KAT2B: variants seen among roughly 807,000 people sequenced by gnomAD.
The protein encoded by KAT2B is histone acetyltransferase KAT2B.
KAT2B carries 36 observed loss-of-function variants against 105.9 expected under a neutral mutation model. The observed-to-expected ratio is 0.34, with a 90% CI of 0.26 to 0.45. The LOEUF (loss-of-function observed/expected upper bound fraction) is 0.45, where lower values mean the gene tolerates loss of function less well. KAT2B is among the 20% of genes least tolerant of loss of function. The pLI is 1.00. For synonymous variants in KAT2B, 397 were observed against 377.9 expected, an observed-to-expected ratio of 1.05 and a Z score of -0.59; for missense variants, 820 against 1,021.6, an observed-to-expected ratio of 0.80 and a Z score of 2.69.
chr3:20,082,029 CTAA>C lies in KAT2B; in HGVS notation c.430+9577_430+9579del, dbSNP rs376560592. ...CCCTAAATATTTCAATATACAGTTC[CTAA>C]TAATAAGGTTTTCTTTTTTTGAAAT... On this transcript the variant is annotated intron_variant, in intron 2 of 17. Coordinates refer to ENST00000263754, the MANE Select transcript of KAT2B (RefSeq NM_003884.5). Among the ~76,000 whole-genome samples, 812 of 151,636 alleles carry C rather than the reference CTAA, an allele frequency of 5.4e-3. 3 individuals carry two copies. Among genetic ancestry groups the C allele is most frequent in the Non-Finnish European group, 9.3e-3 (632 of 67,896 alleles).
intron 2 of KAT2B, among the ~76,000 whole-genome samples, chr3:20,085,056 G>A (rs1202199098): frequency 6.6e-6 from 1 of 152,110 alleles, no homozygotes; most frequent in Non-Finnish European, 1.5e-5. Context: ...GAGATTAAAA[G>A]TTTGTAAGAC....
intron 1 of KAT2B, among the ~76,000 whole-genome samples, chr3:20,061,964 AAT>A (rs1207628833): frequency 9.6e-6 from 1 of 104,530 alleles, no homozygotes; most frequent in African/African-American, 3.6e-5. Context: ...TATAAAACAT[AAT>A]ATATATTATA....
chr3:20,062,268 T>A (rs376940329), intron 1 of KAT2B, among the ~76,000 whole-genome samples: 23 of 64,448 alleles, frequency 3.6e-4, no homozygotes, highest in African/African-American at 6.3e-4. Context: ...TGATATATAA[T>A]ATATAATATA....
intron 1 of KAT2B, among the ~76,000 whole-genome samples, chr3:20,041,214 G>A (rs1035273126): frequency 1.3e-5 from 2 of 152,064 alleles, no homozygotes; most frequent in African/African-American, 2.4e-5. Context: ...GTCCCACTGG[G>A]AGGAACTGGG....
chr3:20,094,543 C>T (rs547997199), intron 2 of KAT2B, among the ~76,000 whole-genome samples: 22 of 152,160 alleles, frequency 1.4e-4, no homozygotes, highest in African/African-American at 4.8e-4. Flanking sequence ...AAAAGATGGA[C>T]TGTATTTGAG....
At chr3:20,078,460 C>T (rs756761837) in intron 2 of KAT2B, among the ~76,000 whole-genome samples, 36 of 152,054 alleles carry the variant, frequency 2.4e-4, no homozygotes, top group Admixed American at 4.6e-4. Context: ...GCAACCTCCC[C>T]CTCTTGGGCT....
In KAT2B at chr3:20,125,708, G is replaced by A. The variant is rs1323641366; in HGVS notation, c.1414-197G>A. ...TCCAATTTCTCAAAATGCTTTACCTGCCTTTTCTGTCTTGTCTTCATAACT... is the reference window on the plus strand; with the variant it reads ...TCCAATTTCTCAAAATGCTTTACCTACCTTTTCTGTCTTGTCTTCATAACT... On this transcript the variant is annotated intron_variant, in intron 9 of 17. Coordinates refer to ENST00000263754, the MANE Select transcript of KAT2B (RefSeq NM_003884.5). Among the ~76,000 whole-genome samples the A allele has an allele frequency of 2.6e-5, 4 of 152,056 alleles. No individual in the cohort carries two copies. The East Asian group carries it at 7.7e-4, about 29-fold the overall frequency.
intron 1 of KAT2B, among the ~76,000 whole-genome samples, chr3:20,064,795 A>C (rs1009514881): frequency 2.0e-5 from 3 of 152,216 alleles, no homozygotes; most frequent in African/African-American, 2.4e-5. Context: ...ATACTGAATA[A>C]ATTTTCCATC....
chr3:20,070,145 C>T (rs1698294724), intron 1 of KAT2B, among the ~76,000 whole-genome samples: 2 of 152,072 alleles, frequency 1.3e-5, no homozygotes, highest in South Asian at 4.1e-4. Flanking sequence ...CTTCTCCTGG[C>T]CCTGCCTTCT....
intron 15 of KAT2B, 106 bp downstream of exon 15, chr3:20,148,105 TTGG>T (rs1699809199): frequency 7.3e-7 from 1 of 1,370,060 alleles, no homozygotes; most frequent in Admixed American, 1.8e-5. Flanking sequence ...AACACAACAG[TTGG>T]TGGGTTTTGA....
intron 5 of KAT2B, among the ~76,000 whole-genome samples, chr3:20,105,789 C>T (rs144484975): frequency 1.1e-3 from 134 of 124,716 alleles, no homozygotes; most frequent in African/African-American, 3.8e-3. Context: ...TGACAGAGCA[C>T]GACCCTGTCT....
chr3:20,152,093 A>G (rs1699878411), intron 17 of KAT2B, among the ~76,000 whole-genome samples: 1 of 152,164 alleles, frequency 6.6e-6, no homozygotes, highest in Admixed American at 6.5e-5. Flanking sequence ...CAGATGACTA[A>G]TAATGGTCCC....
intron 6 of KAT2B, among the ~76,000 whole-genome samples, chr3:20,113,797 T>TA: frequency 6.6e-6 from 1 of 152,282 alleles, no homozygotes; most frequent in South Asian, 2.1e-4. Flanking sequence ...CTTCCTATTC[T>TA]TCATATGTGC....
intron 1 of KAT2B, among the ~76,000 whole-genome samples, chr3:20,063,799 C>A (rs1329353040): frequency 6.6e-6 from 1 of 151,938 alleles, no homozygotes; most frequent in Non-Finnish European, 1.5e-5. Flanking sequence ...CTTCGGCCTC[C>A]CCAAGTGCTG....
rs550166293 is a variant in KAT2B, at chr3:20,145,554, G to GTT, written c.2005-738_2005-737dup. ...TTAATTTCCGGATGGGATTTTTTTA[G>GTT]TTTTTTTTTTTTTTTTTTTTTTTTT... On this transcript the variant is annotated intron_variant, in intron 13 of 17. Transcript: ENST00000263754. 3.3e-3 allele frequency among the ~76,000 whole-genome samples: 300 copies of GTT among 92,046 alleles called. 1 individual carries two copies. The highest frequency in any genetic ancestry group is 8.7e-3 in the African/African-American group (196 of 22,552). 60.4% of individuals were successfully genotyped at this position (92,046 alleles called of 152,430 possible).
At chr3:20,073,328 G>C (rs6765791) in intron 2 of KAT2B, among the ~76,000 whole-genome samples, 81,627 of 151,942 alleles carry the variant, frequency 0.54, 23,322 homozygotes, top group African/African-American at 0.73. Context: ...TGCTAAGGTA[G>C]TTGCTCTTTC....
chr3:20,119,278 ATTT>A (rs34386078), intron 7 of KAT2B, among the ~76,000 whole-genome samples: 1 of 134,584 alleles, frequency 7.4e-6, no homozygotes. Flanking sequence ...CCAAATAGTG[ATTT>A]TTTTTTTTTT....
At chr3:20,100,183 G>A (rs1216903070) in intron 4 of KAT2B, among the ~76,000 whole-genome samples, 3 of 152,162 alleles carry the variant, frequency 2.0e-5, no homozygotes, top group African/African-American at 7.2e-5. Context: ...TTTACTGTGT[G>A]TTTGGGGAAG....
chr3:20,072,699 A>G (rs547780759), intron 2 of KAT2B, among the ~76,000 whole-genome samples: 2 of 152,242 alleles, frequency 1.3e-5, no homozygotes, highest in Admixed American at 1.3e-4. Context: ...GGACTGGGGG[A>G]TTGCCAAATA....
Sources: allele counts gnomAD v4.1 joint callset (sites outside exome capture counted in the v4.1 genomes callset), GRCh38; gene constraint gnomAD v4.1.1; transcripts MANE v1.5; gene names NCBI Gene and HGNC (gene_info 2026-07-23, HGNC 2026-07-21).